Variants in SLC37A2 observed in about 807,000 individuals in gnomAD.
The protein encoded by SLC37A2 is glucose-6-phosphate exchanger SLC37A2.
In SLC37A2, 59 loss-of-function variants were observed where a neutral mutation model predicts 70.7. The observed-to-expected ratio is 0.83, with a 90% CI of 0.68 to 1.04. SLC37A2 has a LOEUF of 1.04. Ranked by LOEUF, SLC37A2 falls within the 50% of genes least tolerant of loss-of-function variation. SLC37A2 has a pLI of 0.00. For missense variants in SLC37A2, 580 were observed against 658.1 expected, an observed-to-expected ratio of 0.88 and a Z score of 1.30; for synonymous variants, 257 against 262.1, an observed-to-expected ratio of 0.98 and a Z score of 0.19.
intron 1 of SLC37A2, among the ~76,000 whole-genome samples, chr11:125,067,419 C>G (rs1303451543): frequency 1.3e-5 from 2 of 152,186 alleles, no homozygotes; most frequent in African/African-American, 4.8e-5. Context: ...ATTGAGAAGT[C>G]TGCACAACTC....
chr11:125,088,015 A>C (rs1354015651), intron 17 of SLC37A2, 104 bp from the exon 18 acceptor site: 5 of 1,250,748 alleles, frequency 4.0e-6, no homozygotes, highest in Admixed American at 2.0e-5. Flanking sequence ...AGATGAAAGC[A>C]ATGATGAAGG....
intron 1 of SLC37A2, among the ~76,000 whole-genome samples, chr11:125,071,864 G>T (rs918338362): frequency 1.4e-5 from 1 of 70,062 alleles, no homozygotes; most frequent in African/African-American, 4.7e-5. Context: ...GGGGGGGTGG[G>T]CACTGTCACC....
At chr11:125,068,495 G>C (rs1949001506) in intron 1 of SLC37A2, among the ~76,000 whole-genome samples, 1 of 152,176 alleles carries the variant, frequency 6.6e-6, no homozygotes, top group African/African-American at 2.4e-5. Context: ...TCAAGCTGGA[G>C]AGGGGCTGTG....
At chr11:125,076,528 G>A (rs888464892) in intron 1 of SLC37A2, among the ~76,000 whole-genome samples, 5 of 152,184 alleles carry the variant, frequency 3.3e-5, no homozygotes, top group Admixed American at 1.3e-4. Flanking sequence ...GGGCCGAGCC[G>A]GCTGCAACAG....
chr11:125,067,456 T>G (rs1432238463), intron 1 of SLC37A2, among the ~76,000 whole-genome samples: 2 of 152,198 alleles, frequency 1.3e-5, no homozygotes, highest in Non-Finnish European at 2.9e-5. Context: ...TTCTCAAATA[T>G]TTAGATAAAT....
At position 125,080,665 on chromosome 11, in the gene SLC37A2, C is replaced by T. The variant is rs1304824494; in HGVS notation, c.579C>T (p.Ile193=). The change falls in exon 7 of 18, where the codon ATC becomes ATT. Residue 193 remains isoleucine (I), a synonymous_variant. Transcript: ENST00000403796. This position sits in a 1 kb window ranked among gnomAD's most constrained non-coding sequence, Gnocchi z 4.3. The stretch of plus-strand genomic sequence containing the variant: ...ATTCCCACACATCTGTGGGCAACAT[C>T]CTGGGCTCCCTGATCGCCGGCATCT... The part of the protein sequence containing the change: ...IWNSHTSVGN[I]LGSLIAGIWV... 6.3e-7 allele frequency: 1 copy of T among 1,579,958 alleles called. No homozygotes were observed. Among genetic ancestry groups the T allele is most frequent in the Non-Finnish European group, 8.6e-7 (1 of 1,162,568 alleles).
chr11:125,086,185 T>G (rs1429832374), intron 17 of SLC37A2, 167 bp downstream of exon 17: 3 of 1,608,478 alleles, frequency 1.9e-6, no homozygotes, highest in Non-Finnish European at 2.6e-6. Context: ...TCCTCTGTTG[T>G]CCCCGTGTAT....
chr11:125,084,377 C>T (rs761921271), intron 12 of SLC37A2, 58 bp downstream of exon 12: 24 of 1,564,086 alleles, frequency 1.5e-5, no homozygotes, highest in Non-Finnish European at 2.0e-5. Flanking sequence ...CTGTGTGGGC[C>T]TCTGGCCTAT....
rs571262164 is a variant in SLC37A2, at chr11:125,076,832, C to T, written c.135C>T (p.Ile45=). 11 of 1,614,130 alleles carry T rather than the reference C, an allele frequency of 6.8e-6. No homozygotes were observed. In the Admixed American group the frequency reaches 8.3e-5, roughly 12 times the overall value. Residue 45 remains isoleucine (I), a synonymous_variant, in exon 2 of 18, where the codon ATC becomes ATT. Coordinates refer to ENST00000403796, the MANE Select transcript of SLC37A2 (RefSeq NM_001145290.2). The part of the protein sequence containing the change: ...CYHMSRKPIS[I]VKSRLHQNCS... ...ACATGTCCAGGAAGCCTATCAGTAT[C>T]GTCAAGGTGAGGCTGGCTGGCAGCA...
In SLC37A2 at chr11:125,088,312, G is replaced by C. The variant is rs1342981462; in HGVS notation, c.*178G>C. The C allele has an allele frequency of 7.4e-6, 5 of 672,910 alleles. No individual in the cohort carries two copies. The highest frequency in any genetic ancestry group is 1.0e-5 in the Non-Finnish European group (4 of 401,496). 41.7% of individuals were successfully genotyped at this position (672,910 alleles called of 1,614,324 possible). On this transcript the variant is annotated 3_prime_UTR_variant, in exon 18 of 18. Transcript: ENST00000403796. ...ACACAGAGATTCTCCATGGGAAGGG[G>C]ACTGCCAAGCATGAGGAAATAGAAG... is the stretch of plus-strand genomic sequence containing the variant.
Position 125,077,476 on chromosome 11 carries a change from G to A in SLC37A2, c.262G>A (p.Gly88Arg), listed in dbSNP as rs1949101133. 6.2e-7 allele frequency: 1 copy of A among 1,613,880 alleles called. No homozygotes were observed. The highest frequency in any genetic ancestry group is 1.7e-5 in the Admixed American group (1 of 59,992). ...FDKDNYKELL[G>R]GVDNAFLIAY... Reference sequence around the variant, plus strand: ...CAAGGACAACTATAAGGAGTTACTAGGGGGCGTGGACAACGCCTTCCTCAT... The same window carrying A: ...CAAGGACAACTATAAGGAGTTACTAAGGGGCGTGGACAACGCCTTCCTCAT... The change falls in exon 4 of 18, where the codon GGG (glycine) becomes AGG (arginine). Residue 88 changes from glycine to arginine, a missense_variant. Coordinates refer to ENST00000403796, the MANE Select transcript of SLC37A2 (RefSeq NM_001145290.2).
chr11:125,073,850 C>A (rs1384055926), intron 1 of SLC37A2, among the ~76,000 whole-genome samples: 2 of 152,236 alleles, frequency 1.3e-5, no homozygotes, highest in African/African-American at 2.4e-5. Flanking sequence ...GTCTGCGCTT[C>A]CCACCAAAAC....
chr11:125,075,569 C>A (rs899781370), intron 1 of SLC37A2, among the ~76,000 whole-genome samples: 2 of 152,202 alleles, frequency 1.3e-5, no homozygotes, highest in African/African-American at 4.8e-5. Context: ...TTTAGCAGAG[C>A]TGTGGAGGGG....
chr11:125,077,111 T>G (rs1591630834), intron 2 of SLC37A2, 119 bp from the exon 3 acceptor site: 1 of 839,860 alleles, frequency 1.2e-6, no homozygotes, highest in Non-Finnish European at 1.9e-6. Flanking sequence ...CAGGAGGAGG[T>G]GCCAGTAGCG....
In SLC37A2 at chr11:125,083,841, G is replaced by T; in HGVS notation, c.1003G>T (p.Asp335Tyr). 6.2e-7 allele frequency: 1 copy of T among 1,614,152 alleles called. No individual in the cohort carries two copies. ...TCACTTTAGTGCCAAGGAGGCTGGG[G>T]ACCTGTCTACACTCTTCGATGTTGG... ...VAHFSAKEAG[D>Y]LSTLFDVGGI... Residue 335 changes from aspartate (D) to tyrosine (Y), a missense_variant, in exon 11 of 18, where the codon GAC becomes TAC. Asp to Tyr is a radical substitution (Grantham distance 160). Coordinates refer to ENST00000403796, the MANE Select transcript of SLC37A2 (RefSeq NM_001145290.2). This position sits in a 1 kb window ranked among gnomAD's most constrained non-coding sequence, Gnocchi z 4.6.
intron 1 of SLC37A2, among the ~76,000 whole-genome samples, chr11:125,071,708 G>T (rs1191942585): frequency 1.3e-5 from 2 of 152,196 alleles, no homozygotes; most frequent in African/African-American, 4.8e-5. Flanking sequence ...TGCTGCCCTG[G>T]GAGAGCTTTG....
intron 5 of SLC37A2, 52 bp downstream of exon 5, chr11:125,079,299 C>A: frequency 6.2e-7 from 1 of 1,610,686 alleles, no homozygotes; most frequent in Non-Finnish European, 8.5e-7. Context: ...CGGGAAGGAC[C>A]TGGGAGACCG....
chr11:125,073,411 G>A (rs563430469), intron 1 of SLC37A2, among the ~76,000 whole-genome samples: 1 of 152,350 alleles, frequency 6.6e-6, no homozygotes, highest in East Asian at 1.9e-4. Context: ...TAAATCCAGG[G>A]CCCGGAGCCT....
chr11:125,089,135 AC>A lies in SLC37A2; in HGVS notation c.*1005del, dbSNP rs1309677226. On this transcript the variant is annotated 3_prime_UTR_variant, in exon 18 of 18. Coordinates refer to ENST00000403796, the MANE Select transcript of SLC37A2 (RefSeq NM_001145290.2). Reference sequence around the variant, plus strand: ...TTCCACTTTTCTATGTCCTCCTTCCACCCCAAGTCCCGGATCACTCGCTGTT... The same window carrying A: ...TTCCACTTTTCTATGTCCTCCTTCCACCCAAGTCCCGGATCACTCGCTGTT... The A allele has an allele frequency of 2.0e-5, 3 of 152,192 alleles. No homozygotes were observed. The highest frequency in any genetic ancestry group is 4.4e-5 in the Non-Finnish European group (3 of 68,076). 9.4% of individuals were successfully genotyped at this position (152,192 alleles called of 1,614,324 possible). A position where few individuals can be genotyped will look rare whatever the true frequency, so the allele number is the denominator to read the frequency against.
Sources: gnomAD v4.1 joint callset for allele counts (sites outside exome capture counted in the v4.1 genomes callset) on GRCh38, gnomAD v4.1.1 for gene constraint, Gnocchi (gnomAD v3.1) non-coding constraint, MANE v1.5 for transcripts, NCBI Gene and HGNC (gene_info 2026-07-23, HGNC 2026-07-21) for gene names.